HDGFL3: variants seen among roughly 807,000 people sequenced by gnomAD.
The protein encoded by HDGFL3 is HDGF like 3, also known as hepatoma-derived growth factor-related protein 3.
In HDGFL3, 6 loss-of-function variants were observed where a neutral mutation model predicts 27.6. The observed-to-expected ratio is 0.22, with a 90% CI of 0.12 to 0.43. The LOEUF (loss-of-function observed/expected upper bound fraction) is 0.43. HDGFL3 is among the 20% of genes least tolerant of loss of function. The pLI, the probability that HDGFL3 is intolerant of heterozygous loss-of-function variation, is 1.00. For missense variants in HDGFL3, 207 were observed against 250.1 expected (o/e 0.83, Z 1.16); for synonymous variants, 88 against 88.9 (o/e 0.99, Z 0.05).
chr15:83,124,642 C>T (rs750824896), downstream of HDGFL3: 3 of 1,570,452 alleles, frequency 1.9e-6, no homozygotes, highest in South Asian at 2.2e-5. Context: ...GCACTTTGGG[C>T]CTGCTCTTTA....
intron 1 of HDGFL3, among the ~76,000 whole-genome samples, chr15:83,187,400 A>G (rs1477938284): frequency 6.6e-6 from 1 of 152,096 alleles, no homozygotes; most frequent in East Asian, 1.9e-4. Context: ...ACACACCACC[A>G]CAAATACACA....
At chr15:83,163,753 T>C in intron 2 of HDGFL3, 4 of 469,934 alleles carry the variant, frequency 8.5e-6, no homozygotes, top group Non-Finnish European at 1.5e-5. Context: ...TAGAGGAGAC[T>C]TGTGGGTGAT....
chr15:83,180,249 A>G (rs902063255), intron 1 of HDGFL3, among the ~76,000 whole-genome samples: 2 of 152,238 alleles, frequency 1.3e-5, no homozygotes, highest in African/African-American at 4.8e-5. Context: ...ATAACGTTCA[A>G]TAACAAATTA....
At chr15:83,152,876 C>T (rs560362030) in intron 4 of HDGFL3, among the ~76,000 whole-genome samples, 3 of 151,076 alleles carry the variant, frequency 2.0e-5, no homozygotes, top group South Asian at 2.1e-4. Flanking sequence ...TTTCAAGTGA[C>T]GATCAAGAAT....
chr15:83,149,623 G>A (rs901378910), intron 5 of HDGFL3, among the ~76,000 whole-genome samples: 15 of 152,174 alleles, frequency 9.9e-5, no homozygotes, highest in Non-Finnish European at 2.2e-4. Context: ...GGATCACTAG[G>A]AACCTTTACA....
At chr15:83,195,511 C>T (rs1003041080) in intron 1 of HDGFL3, among the ~76,000 whole-genome samples, 1 of 151,984 alleles carries the variant, frequency 6.6e-6, no homozygotes, top group Non-Finnish European at 1.5e-5. Flanking sequence ...CTTAATCTAT[C>T]TCAAGCTCTT....
At chr15:83,122,859 A>C (rs1462569185), downstream of HDGFL3, 1 of 1,613,934 alleles carries the variant, frequency 6.2e-7, no homozygotes, top group Non-Finnish European at 8.5e-7. Context: ...CCATCAGAAA[A>C]TTATAATTAC....
At chr15:83,182,317 T>G (rs1484942355) in intron 1 of HDGFL3, among the ~76,000 whole-genome samples, 1 of 152,236 alleles carries the variant, frequency 6.6e-6, no homozygotes, top group Admixed American at 6.5e-5. Flanking sequence ...AGTGTTATAA[T>G]GCTTTATGTA....
chr15:83,127,852 T>A lies in HDGFL3; in HGVS notation c.*11418A>T, dbSNP rs1428249145. ...TCACCTTCAAAATGTCCATCCAAAT[T>A]TAAGACTTCAGAATTCCACTACGCT... On this transcript the variant is annotated 3_prime_UTR_variant, in exon 6 of 6. Transcript: ENST00000299633. 4 of 261,804 alleles carry A rather than the reference T, an allele frequency of 1.5e-5. No individual in the cohort carries two copies. The highest frequency in any genetic ancestry group is 9.3e-5 in the African/African-American group (4 of 42,880). 16.2% of individuals were successfully genotyped at this position (261,804 alleles called of 1,614,324 possible).
At chr15:83,198,412 C>T (rs886750872) in intron 1 of HDGFL3, among the ~76,000 whole-genome samples, 1 of 152,156 alleles carries the variant, frequency 6.6e-6, no homozygotes, top group African/African-American at 2.4e-5. Context: ...TAATGAAACT[C>T]ATTTAGCAGG....
At position 83,191,935 on chromosome 15, in the gene HDGFL3, CTTT is replaced by C. The variant is rs749998701; in HGVS notation, c.84+15393_84+15395del. On this transcript the variant is annotated intron_variant, in intron 1 of 5. Transcript: ENST00000299633. The stretch of plus-strand genomic sequence containing the variant: ...TGCATCCTATTGTAACTTATCTCTC[CTTT>C]TTTTTTTTTTTTTTTTTTTTGAGAC... Among the ~76,000 whole-genome samples the C allele has an allele frequency of 4.7e-5, 5 of 106,698 alleles. No homozygotes were observed. The East Asian group carries it at 7.3e-4, about 16-fold the overall frequency. The allele number at this position is 106,698 out of a possible 152,430, so 70.0% of individuals were successfully genotyped here. A position where few individuals can be genotyped will look rare whatever the true frequency, so the allele number is the denominator to read the frequency against.
At chr15:83,163,946 T>C (rs12440562) in intron 2 of HDGFL3, 53 bp downstream of exon 2, 27 of 1,109,758 alleles carry the variant, frequency 2.4e-5, no homozygotes, top group Admixed American at 1.7e-5. Flanking sequence ...TCCATAACAA[T>C]GTAGCATAGC....
At chr15:83,117,819 T>A (rs541748850) in intron 3 of HDGFL3, among the ~76,000 whole-genome samples, 1 of 152,152 alleles carries the variant, frequency 6.6e-6, no homozygotes, top group East Asian at 1.9e-4. Flanking sequence ...AGAATCTTTA[T>A]CTGGCAGGAG....
intron 1 of HDGFL3, among the ~76,000 whole-genome samples, chr15:83,169,482 T>C (rs2037218732): frequency 7.0e-6 from 1 of 143,738 alleles, no homozygotes; most frequent in Non-Finnish European, 1.5e-5. Flanking sequence ...AAATTATCTC[T>C]CTTCGCTGAT....
intron 3 of HDGFL3, chr15:83,115,750 C>T: frequency 1.2e-6 from 1 of 856,968 alleles, no homozygotes; most frequent in South Asian, 1.4e-5. Context: ...TTCTGGAAAA[C>T]ATGAAAAACA....
intron 1 of HDGFL3, among the ~76,000 whole-genome samples, chr15:83,178,896 C>G (rs763591113): frequency 6.6e-6 from 1 of 152,184 alleles, no homozygotes; most frequent in Non-Finnish European, 1.5e-5. Flanking sequence ...CAGGCTTCTA[C>G]TGTGGTGTAA....
intron 2 of HDGFL3, among the ~76,000 whole-genome samples, chr15:83,159,016 T>C (rs753907302): frequency 2.6e-5 from 4 of 152,158 alleles, no homozygotes; most frequent in Non-Finnish European, 4.4e-5. Context: ...TAATTTTGTA[T>C]TTTTAGTAGA....
intron 1 of HDGFL3, among the ~76,000 whole-genome samples, chr15:83,177,778 T>C (rs1302745951): frequency 6.6e-6 from 1 of 152,222 alleles, no homozygotes; most frequent in African/African-American, 2.4e-5. Context: ...GTATAATATG[T>C]ATATTATGCA....
At chr15:83,116,008 G>C (rs1243812036) in intron 3 of HDGFL3, 12 of 1,243,328 alleles carry the variant, frequency 9.7e-6, no homozygotes, top group East Asian at 7.0e-5. Context: ...ACATTACTCA[G>C]AGACAGAAAT....
Sources: gnomAD v4.1 joint callset for allele counts (sites outside exome capture counted in the v4.1 genomes callset) on GRCh38, gnomAD v4.1.1 for gene constraint, MANE v1.5 for transcripts, NCBI Gene and HGNC (gene_info 2026-07-23, HGNC 2026-07-21) for gene names.